Variants in PCDHGA1 observed in about 807,000 individuals in gnomAD.
The protein encoded by PCDHGA1 is protocadherin gamma-A1.
A neutral mutation model predicts 58.0 loss-of-function variants in PCDHGA1; 32 were observed. The observed-to-expected ratio is 0.55, with a 90% CI of 0.42 to 0.74. The LOEUF is 0.74. Ranked by LOEUF, PCDHGA1 falls within the 30% of genes least tolerant of loss-of-function variation. The pLI, the probability that PCDHGA1 is intolerant of heterozygous loss-of-function variation, is 0.00. For synonymous variants in PCDHGA1, 498 were observed against 501.1 expected (o/e 0.99, Z 0.08); for missense variants, 1,205 against 1,182.3 (o/e 1.02, Z -0.28).
chr5:141,430,855 C>T, intron 1 of PCDHGA1: 7 of 1,588,596 alleles, frequency 4.4e-6, no homozygotes, highest in Non-Finnish European at 6.0e-6. Context: ...CCCAGATACG[C>T]TATTCAGTTC....
rs10038103 is a variant in PCDHGA1 at position 141,414,849 on chromosome 5, C to T, written c.2422-79958C>T. On this transcript the variant is annotated intron_variant, in intron 1 of 3. Transcript: ENST00000517417. ...TGTCGTTGAGCCTGTTTGTGCTGGA[C>T]CAGAACGACAATGCGCCCGAGATCC... The T allele has an allele frequency of 7.9e-4, 1,268 of 1,614,252 alleles. 15 individuals carry two copies. In the African/African-American group the frequency reaches 0.015, roughly 19 times the overall value.
chr5:141,456,140 G>A (rs1032104368), intron 1 of PCDHGA1, among the ~76,000 whole-genome samples: 38 of 152,022 alleles, frequency 2.5e-4, no homozygotes, highest in African/African-American at 8.7e-4. Flanking sequence ...CTCCTGATCC[G>A]CCCGCCTCGG....
At chr5:141,362,507 C>G in intron 1 of PCDHGA1, 1 of 1,613,994 alleles carries the variant, frequency 6.2e-7, no homozygotes, top group Non-Finnish European at 8.5e-7. Context: ...GAACAAAATA[C>G]AAATCATGGA....
intron 1 of PCDHGA1, among the ~76,000 whole-genome samples, chr5:141,483,709 G>A (rs1486825412): frequency 1.3e-5 from 2 of 152,036 alleles, no homozygotes; most frequent in Non-Finnish European, 2.9e-5. Flanking sequence ...TTTGACACCA[G>A]AATATTGGTT....
chr5:141,497,509 C>T (rs1282025317), intron 2 of PCDHGA1, among the ~76,000 whole-genome samples: 1 of 151,184 alleles, frequency 6.6e-6, no homozygotes, highest in Non-Finnish European at 1.5e-5. Flanking sequence ...CTCTCTGCTT[C>T]CTTAGTTAAC....
chr5:141,499,682 C>T, intron 2 of PCDHGA1, among the ~76,000 whole-genome samples: 1 of 148,196 alleles, frequency 6.7e-6, no homozygotes, highest in South Asian at 2.1e-4. Flanking sequence ...CCATCTTTAA[C>T]AGATGACTTT....
In PCDHGA1 at chr5:141,490,084, G is replaced by A. The variant is rs772917260; in HGVS notation, c.2422-4723G>A. The A allele has an allele frequency of 4.3e-6, 7 of 1,614,104 alleles. No individual in the cohort carries two copies. ...CAACGGCCAACTAGACTATTCTTTT[G>A]GAGACCACACATCTGAGGCAGTGCG... On this transcript the variant is annotated intron_variant, in intron 1 of 3. Transcript: ENST00000517417. The surrounding 1 kb of genome is among the most constrained non-coding windows in gnomAD (Gnocchi z 5.4).
At chr5:141,371,058 A>C in intron 1 of PCDHGA1, 9 of 1,613,990 alleles carry the variant, frequency 5.6e-6, no homozygotes, top group Non-Finnish European at 7.6e-6. Flanking sequence ...CGAGCCCTCC[A>C]GAAGCTGTAC....
chr5:141,355,706 G>A (rs568835897), intron 1 of PCDHGA1: 7 of 1,613,984 alleles, frequency 4.3e-6, no homozygotes, highest in Admixed American at 1.7e-5. Flanking sequence ...TCCCTGCAGG[G>A]TTACCAGCTC....
intron 1 of PCDHGA1, chr5:141,383,949 G>T (rs538018556): frequency 4.3e-6 from 7 of 1,613,584 alleles, no homozygotes; most frequent in Non-Finnish European, 5.9e-6. Context: ...TGACTATGAC[G>T]TCTTTAAGTA....
chr5:141,380,978 A>C (rs1244318995), intron 1 of PCDHGA1, among the ~76,000 whole-genome samples: 1 of 152,254 alleles, frequency 6.6e-6, no homozygotes, highest in Non-Finnish European at 1.5e-5. Context: ...AAACAAATAG[A>C]ATTTAACTCC....
rs780383828 is a variant in PCDHGA1, at chr5:141,422,708, A to G, written c.2422-72099A>G. ...GCCCTGGTCACTTACTCTCTGACGGATGACACTGTCCAGGGGGTGCCTCTG... is the reference window on the plus strand; with the variant it reads ...GCCCTGGTCACTTACTCTCTGACGGGTGACACTGTCCAGGGGGTGCCTCTG... On this transcript the variant is annotated intron_variant, in intron 1 of 3. Transcript: ENST00000517417. 28 of 1,603,464 alleles carry G rather than the reference A, an allele frequency of 1.7e-5. No individual in the cohort carries two copies. The East Asian group carries it at 3.8e-4, about 22-fold the overall frequency.
chr5:141,426,086 G>A (rs751467304), intron 1 of PCDHGA1, among the ~76,000 whole-genome samples: 5 of 152,218 alleles, frequency 3.3e-5, no homozygotes, highest in Non-Finnish European at 7.3e-5. Context: ...CTACCAGGAC[G>A]ATATTCTGTT....
intron 1 of PCDHGA1, among the ~76,000 whole-genome samples, chr5:141,449,240 G>A (rs535847654): frequency 6.6e-6 from 1 of 152,186 alleles, no homozygotes; most frequent in Non-Finnish European, 1.5e-5. Context: ...ATTTTCAAAG[G>A]AGTTGCAAGA....
intron 1 of PCDHGA1, among the ~76,000 whole-genome samples, chr5:141,474,747 A>AGACAAATAT (rs1447050692): frequency 6.6e-6 from 1 of 152,264 alleles, no homozygotes; most frequent in African/African-American, 2.4e-5. Context: ...GTGATGTCCA[A>AGACAAATAT]GACAAATATA....
intron 1 of PCDHGA1, among the ~76,000 whole-genome samples, 184 bp from the exon 2 acceptor site, chr5:141,494,623 C>A (rs2099755716): frequency 6.6e-6 from 1 of 152,146 alleles, no homozygotes; most frequent in Non-Finnish European, 1.5e-5. Flanking sequence ...GTTTCTGGTA[C>A]CTCAGACCTC....
chr5:141,374,723 G>T (rs771753373), intron 1 of PCDHGA1: 1 of 1,609,998 alleles, frequency 6.2e-7, no homozygotes, highest in South Asian at 1.1e-5. Context: ...GGTCCTTACT[G>T]CCATGGATGG....
chr5:141,434,894 C>T (rs1316284716), intron 1 of PCDHGA1, among the ~76,000 whole-genome samples: 1 of 143,118 alleles, frequency 7.0e-6, no homozygotes, highest in East Asian at 2.1e-4. Flanking sequence ...AATCCAGTCC[C>T]CTTCCCTCAT....
At chr5:141,402,487 A>G (rs1239262921) in intron 1 of PCDHGA1, among the ~76,000 whole-genome samples, 1 of 152,226 alleles carries the variant, frequency 6.6e-6, no homozygotes, top group Non-Finnish European at 1.5e-5. Flanking sequence ...AAGTTCTACC[A>G]AGAATAAGAA....
Sources: gnomAD v4.1 joint callset for allele counts (sites outside exome capture counted in the v4.1 genomes callset) on GRCh38, gnomAD v4.1.1 for gene constraint, Gnocchi (gnomAD v3.1) non-coding constraint, MANE v1.5 for transcripts, NCBI Gene and HGNC (gene_info 2026-07-23, HGNC 2026-07-21) for gene names.